The following TRAPPC9 variants were observed in gnomAD, a reference collection of about 807,000 sequenced individuals.
TRAPPC9 encodes the protein trafficking protein particle complex subunit 9.
Under a neutral mutation model 124.0 loss-of-function variants are expected in TRAPPC9, and 83 were observed. The ratio of observed to expected loss-of-function variants is 0.67; its 90% CI spans 0.56 to 0.80. The LOEUF (loss-of-function observed/expected upper bound fraction) is 0.80, where lower values mean the gene tolerates loss of function less well. Among genes scored for constraint, TRAPPC9 ranks in the 30% least tolerant of loss-of-function variants. The pLI is 0.00. For missense variants in TRAPPC9, 1,302 were observed against 1,508.3 expected, an observed-to-expected ratio of 0.86 and a Z score of 2.27; for synonymous variants, 638 against 617.5, an observed-to-expected ratio of 1.03 and a Z score of -0.49.
intron 18 of TRAPPC9, among the ~76,000 whole-genome samples, chr8:140,002,107 CA>C (rs1486638296): frequency 6.7e-6 from 1 of 149,860 alleles, no homozygotes; most frequent in African/African-American, 2.4e-5. Context: ...TATCTAATAC[CA>C]AAACCAGACA....
chr8:140,062,311 G>C (rs1254386824), intron 17 of TRAPPC9, among the ~76,000 whole-genome samples: 5 of 152,166 alleles, frequency 3.3e-5, no homozygotes, highest in Non-Finnish European at 1.5e-5. Flanking sequence ...GGCATGATCA[G>C]ACCTCAGCAT....
intron 17 of TRAPPC9, among the ~76,000 whole-genome samples, chr8:140,081,268 A>G (rs1188634365): frequency 7.9e-5 from 12 of 151,914 alleles, no homozygotes; most frequent in Non-Finnish European, 1.3e-4. Flanking sequence ...GCGTCTCTCC[A>G]CAGAAGATGG....
intron 17 of TRAPPC9, among the ~76,000 whole-genome samples, chr8:140,180,141 T>C (rs1302022958): frequency 6.6e-6 from 1 of 151,716 alleles, no homozygotes; most frequent in African/African-American, 2.4e-5. Context: ...TTGTTCCTTT[T>C]CTCTTCTTTT....
At chr8:140,240,624 G>A (rs948862705) in intron 16 of TRAPPC9, among the ~76,000 whole-genome samples, 1 of 152,144 alleles carries the variant, frequency 6.6e-6, no homozygotes, top group Admixed American at 6.5e-5. Context: ...CCAGGTTGGC[G>A]TGCAGTGGCA....
chr8:140,323,040 A>T (rs1186913742), intron 9 of TRAPPC9, among the ~76,000 whole-genome samples: 1 of 152,196 alleles, frequency 6.6e-6, no homozygotes, highest in Non-Finnish European at 1.5e-5. Flanking sequence ...CACCAGAAAG[A>T]CCAAGGCATG....
chr8:140,442,323 G>A (rs2071045064), intron 2 of TRAPPC9, among the ~76,000 whole-genome samples: 1 of 152,156 alleles, frequency 6.6e-6, no homozygotes, highest in Admixed American at 6.6e-5. Flanking sequence ...AATGAGGCCA[G>A]GCACAGTGGC....
At chr8:140,436,778 C>T (rs573456435) in intron 3 of TRAPPC9, among the ~76,000 whole-genome samples, 207 of 152,322 alleles carry the variant, frequency 1.4e-3, no homozygotes, top group African/African-American at 4.6e-3. Context: ...CTAATTGATA[C>T]AATAAGGAGT....
chr8:139,946,895 G>A (rs1222832298), intron 19 of TRAPPC9, among the ~76,000 whole-genome samples: 1 of 152,106 alleles, frequency 6.6e-6, no homozygotes, highest in Non-Finnish European at 1.5e-5. Flanking sequence ...GCTGAGGCAG[G>A]AGAATCGCTT....
intron 21 of TRAPPC9, among the ~76,000 whole-genome samples, chr8:139,791,896 G>A (rs1822705879): frequency 6.6e-6 from 1 of 152,164 alleles, no homozygotes; most frequent in Non-Finnish European, 1.5e-5. Context: ...TCTGCAGCGC[G>A]CGTGGGGTGG....
intron 15 of TRAPPC9, among the ~76,000 whole-genome samples, chr8:140,267,633 A>G (rs909266726): frequency 6.6e-6 from 1 of 151,846 alleles, no homozygotes; most frequent in African/African-American, 2.4e-5. Flanking sequence ...GAGAGCGCTA[A>G]GAGTAAAAGC....
intron 19 of TRAPPC9, among the ~76,000 whole-genome samples, chr8:139,967,680 G>A (rs1835790227): frequency 6.6e-6 from 1 of 152,222 alleles, no homozygotes; most frequent in Non-Finnish European, 1.5e-5. Flanking sequence ...GGCCCGCCAG[G>A]AAGAAAGAGC....
chr8:140,282,524 G>A (rs1264273068), intron 14 of TRAPPC9, among the ~76,000 whole-genome samples: 1 of 148,020 alleles, frequency 6.8e-6, no homozygotes, highest in African/African-American at 2.5e-5. Flanking sequence ...AAAAGATTGT[G>A]CCACGGCACT....
intron 17 of TRAPPC9, among the ~76,000 whole-genome samples, chr8:140,155,392 G>C (rs2061611677): frequency 6.6e-6 from 1 of 152,206 alleles, no homozygotes; most frequent in African/African-American, 2.4e-5. Context: ...CTGTTACCAA[G>C]CAGGACGCCA....
chr8:140,051,320 A>T (rs1197251795), intron 17 of TRAPPC9, among the ~76,000 whole-genome samples: 1 of 152,216 alleles, frequency 6.6e-6, no homozygotes, highest in Non-Finnish European at 1.5e-5. Flanking sequence ...CCACACTGGG[A>T]TCTGAACCCC....
At chr8:140,103,972 G>A (rs2060623860) in intron 17 of TRAPPC9, among the ~76,000 whole-genome samples, 1 of 152,194 alleles carries the variant, frequency 6.6e-6, no homozygotes. Context: ...ACGCGTTTTT[G>A]AGCATATCAA....
chr8:139,976,404 A>G (rs758924387), intron 19 of TRAPPC9, among the ~76,000 whole-genome samples: 18 of 152,248 alleles, frequency 1.2e-4, no homozygotes, highest in Non-Finnish European at 2.1e-4. Context: ...GGTACAGCCT[A>G]TGTTTAAAAA....
At chr8:139,813,242 C>T (rs1824567493) in intron 21 of TRAPPC9, among the ~76,000 whole-genome samples, 1 of 152,232 alleles carries the variant, frequency 6.6e-6, no homozygotes, top group Non-Finnish European at 1.5e-5. Context: ...AAGTCACGTC[C>T]CCTCTTGCAC....
At chr8:139,897,712 A>C (rs1388555416) in intron 20 of TRAPPC9, among the ~76,000 whole-genome samples, 4 of 152,236 alleles carry the variant, frequency 2.6e-5, no homozygotes, top group Non-Finnish European at 1.5e-5. Flanking sequence ...AACTCACCCC[A>C]GTGGGGTTTC....
Position 140,216,409 on chromosome 8 carries a change from T to C in TRAPPC9, c.2556+5050A>G, listed in dbSNP as rs2063195414. Among the ~76,000 whole-genome samples the C allele has an allele frequency of 6.6e-6, 1 of 152,048 alleles. No individual in the cohort carries two copies. Among genetic ancestry groups the C allele is most frequent in the South Asian group, 2.1e-4 (1 of 4,818 alleles). On this transcript the variant is annotated intron_variant, in intron 17 of 22. Transcript: ENST00000438773. The surrounding 1 kb of genome is among the most constrained non-coding windows in gnomAD (Gnocchi z 4.1). Reference sequence around the variant, plus strand: ...CCACAGGCACCAAGACCCAACCAAGTGTGAAGAGCATCTCCTAGATTTTGA... The same window carrying C: ...CCACAGGCACCAAGACCCAACCAAGCGTGAAGAGCATCTCCTAGATTTTGA...
Sources: allele counts gnomAD v4.1 joint callset (sites outside exome capture counted in the v4.1 genomes callset), GRCh38; gene constraint gnomAD v4.1.1; non-coding constraint Gnocchi (gnomAD v3.1); transcripts MANE v1.5; gene names NCBI Gene and HGNC (gene_info 2026-07-23, HGNC 2026-07-21).